The following MS4A13 variants were observed in gnomAD, a reference collection of about 807,000 sequenced individuals.
MS4A13 encodes membrane-spanning 4-domains subfamily A member 13.
In MS4A13, 21 loss-of-function variants were observed where a neutral mutation model predicts 18.4. The ratio of observed to expected loss-of-function variants is 1.14; its 90% confidence interval spans 0.81 to 1.64. The LOEUF (loss-of-function observed/expected upper bound fraction) is 1.64. Among genes scored for constraint, MS4A13 ranks in the 40% most tolerant of loss-of-function variants. MS4A13 has a pLI of 0.00. For missense variants in MS4A13, 173 were observed against 176.8 expected, an observed-to-expected ratio of 0.98 and a Z score of 0.12; for synonymous variants, 62 against 57.2, an observed-to-expected ratio of 1.08 and a Z score of -0.38.
rs1157501973 is a variant in MS4A13 at position 60,542,195 on chromosome 11, A to AAAGGGAGG, written c.403-311_403-304dup. Among the ~76,000 whole-genome samples the AAAGGGAGG allele has an allele frequency of 2.8e-5, 4 of 141,098 alleles. No individual in the cohort carries two copies. In the East Asian group the frequency reaches 8.1e-4, roughly 29 times the overall value. The allele number at this position is 141,098 out of a possible 152,430, so 92.6% of individuals were successfully genotyped here. A position where few individuals can be genotyped will look rare whatever the true frequency, so the allele number is the denominator to read the frequency against. ...GAGAGAAAGAAAGAAGAAAGGGAAG[A>AAAGGGAGG]AAGGGAGGAAGGGAGGAAGGAAAGA... On this transcript the variant is annotated intron_variant, in intron 6 of 6. Coordinates refer to ENST00000378186, the MANE Select transcript of MS4A13 (RefSeq NM_001012417.3).
intron 6 of MS4A13, among the ~76,000 whole-genome samples, chr11:60,539,377 G>A (rs947080042): frequency 6.6e-6 from 1 of 151,848 alleles, no homozygotes; most frequent in African/African-American, 2.4e-5. Flanking sequence ...ACAGAGGTGA[G>A]CTGACAAAAA....
intron 3 of MS4A13, among the ~76,000 whole-genome samples, chr11:60,521,170 T>A (rs2086671543): frequency 6.6e-6 from 1 of 152,120 alleles, no homozygotes; most frequent in Admixed American, 6.5e-5. Context: ...TGAAACCACT[T>A]TTTCCTCCTA....
intron 6 of MS4A13, among the ~76,000 whole-genome samples, chr11:60,532,584 G>A (rs573208002): frequency 2.6e-5 from 4 of 152,240 alleles, no homozygotes; most frequent in African/African-American, 7.2e-5. Flanking sequence ...AGGTGGCAGC[G>A]AGGTTGGGGG....
chr11:60,537,928 CA>C (rs1416274517), intron 6 of MS4A13, among the ~76,000 whole-genome samples: 12 of 130,712 alleles, frequency 9.2e-5, no homozygotes, highest in Non-Finnish European at 1.6e-4. Context: ...ATCGCAAGAA[CA>C]AAAAACCAAA....
At chr11:60,520,842 C>T (rs1197811804) in intron 3 of MS4A13, among the ~76,000 whole-genome samples, 1 of 152,232 alleles carries the variant, frequency 6.6e-6, no homozygotes, top group African/African-American at 2.4e-5. Flanking sequence ...GCAGCTCCGA[C>T]CCCACATTTC....
At chr11:60,525,357 A>AT in intron 5 of MS4A13, 31 bp downstream of exon 5, 3 of 1,427,252 alleles carry the variant, frequency 2.1e-6, no homozygotes, top group Non-Finnish European at 2.8e-6. Flanking sequence ...GAACATATTA[A>AT]TTTTAAAATT....
chr11:60,532,316 C>G (rs976393301), intron 6 of MS4A13, among the ~76,000 whole-genome samples: 4 of 152,206 alleles, frequency 2.6e-5, no homozygotes, highest in Non-Finnish European at 4.4e-5. Context: ...TGTGTGCACG[C>G]ACCGTGCGCG....
rs531273583 is a variant in MS4A13 at position 60,530,409 on chromosome 11, T to C, written c.402+949T>C. ...GAAGACTACTATGATCAACAACTGATTGAAATACAGAAACAACTATAAGAC... is the reference window on the plus strand; with the variant it reads ...GAAGACTACTATGATCAACAACTGACTGAAATACAGAAACAACTATAAGAC... On this transcript the variant is annotated intron_variant, in intron 6 of 6. Transcript: ENST00000378186. Among the ~76,000 whole-genome samples, 11 of 152,314 alleles carry C rather than the reference T, an allele frequency of 7.2e-5. No homozygotes were observed. In the South Asian group the frequency reaches 1.0e-3, roughly 14 times the overall value.
At chr11:60,516,520 G>C (rs981465807) in intron 2 of MS4A13, among the ~76,000 whole-genome samples, 3 of 152,168 alleles carry the variant, frequency 2.0e-5, no homozygotes, top group Non-Finnish European at 4.4e-5. Context: ...TTCTGAATTT[G>C]AATGTTGCAT....
At chr11:60,516,171 C>CCCTT (rs2086636032) in intron 2 of MS4A13, 87 bp downstream of exon 2, 1 of 149,298 alleles carries the variant, frequency 6.7e-6, no homozygotes, top group South Asian at 2.2e-4. Context: ...GGGGGACAGA[C>CCCTT]TTGGTTAAAT....
chr11:60,531,118 CTG>C (rs2086763230), intron 6 of MS4A13, among the ~76,000 whole-genome samples: 1 of 152,198 alleles, frequency 6.6e-6, no homozygotes, highest in African/African-American at 2.4e-5. Flanking sequence ...GTGGGTCAGA[CTG>C]TGAGGCCCAG....
chr11:60,531,155 G>C (rs2086763605), intron 6 of MS4A13, among the ~76,000 whole-genome samples: 1 of 152,142 alleles, frequency 6.6e-6, no homozygotes, highest in Non-Finnish European at 1.5e-5. Context: ...GAGATGACTA[G>C]TTTTATTTGG....
chr11:60,530,599 G>C (rs2086758170), intron 6 of MS4A13, among the ~76,000 whole-genome samples: 1 of 152,222 alleles, frequency 6.6e-6, no homozygotes. Flanking sequence ...ACAAGAACTT[G>C]AGAAGTGTTT....
At chr11:60,515,945 T>TTC (rs986037763) in intron 1 of MS4A13, 24 bp from the exon 2 acceptor site, 3 of 152,194 alleles carry the variant, frequency 2.0e-5, no homozygotes, top group Admixed American at 6.5e-5. Flanking sequence ...AAATAATGTA[T>TTC]ATGTGCTTTG....
intron 5 of MS4A13, among the ~76,000 whole-genome samples, chr11:60,527,699 G>A (rs1016676763): frequency 1.3e-5 from 2 of 152,020 alleles, no homozygotes; most frequent in Non-Finnish European, 2.9e-5. Context: ...AGCTGGGCAT[G>A]GCGGTGGGCA....
intron 6 of MS4A13, among the ~76,000 whole-genome samples, chr11:60,531,722 C>T (rs1050087250): frequency 6.6e-5 from 10 of 152,320 alleles, no homozygotes; most frequent in African/African-American, 1.9e-4. Flanking sequence ...CTCTCTTTGG[C>T]TTTCACTTGG....
intron 5 of MS4A13, among the ~76,000 whole-genome samples, chr11:60,526,776 C>T (rs1336974592): frequency 1.3e-5 from 2 of 152,174 alleles, no homozygotes; most frequent in East Asian, 3.8e-4. Context: ...CAGGCAGGGT[C>T]AGAAAAGTGC....
At chr11:60,518,010 A>G in intron 2 of MS4A13, 62 bp from the exon 3 acceptor site, 1 of 1,303,190 alleles carries the variant, frequency 7.7e-7, no homozygotes, top group South Asian at 1.5e-5. Flanking sequence ...TATAGTTAAC[A>G]CTTATTGGAA....
rs1272584218 is a variant in MS4A13 at position 60,538,727 on chromosome 11, C to G, written c.403-3792C>G. 2.1e-5 allele frequency among the ~76,000 whole-genome samples: 3 copies of G among 145,692 alleles called. No individual in the cohort carries two copies. In the East Asian group the frequency reaches 5.9e-4, roughly 29 times the overall value. On this transcript the variant is annotated intron_variant, in intron 6 of 6. Transcript: ENST00000378186. Reference sequence around the variant, plus strand: ...ATGACTTTCACTTCCTGGGGTTACTCCTATCACTATGTTACATGACACAGC... The same window carrying G: ...ATGACTTTCACTTCCTGGGGTTACTGCTATCACTATGTTACATGACACAGC...
Sources: allele counts gnomAD v4.1 joint callset (sites outside exome capture counted in the v4.1 genomes callset), GRCh38; gene constraint gnomAD v4.1.1; transcripts MANE v1.5; gene names NCBI Gene and HGNC (gene_info 2026-07-23, HGNC 2026-07-21).